The following OPRL1 variants were observed in gnomAD, a reference collection of about 807,000 sequenced individuals.
OPRL1 encodes nociceptin receptor.
A neutral mutation model predicts 15.5 loss-of-function variants in OPRL1; 5 were observed. That is an observed-to-expected ratio of 0.32 (90% CI 0.17 to 0.68). The LOEUF (loss-of-function observed/expected upper bound fraction) is 0.68. OPRL1 is among the 30% of genes least tolerant of loss of function. The pLI is 0.72. For missense variants in OPRL1, 406 were observed against 515.3 expected (o/e 0.79, Z 2.05); for synonymous variants, 223 against 230.2 (o/e 0.97, Z 0.28).
chr20:64,096,235 G>T (rs568813209), intron 3 of OPRL1, among the ~76,000 whole-genome samples: 1 of 152,240 alleles, frequency 6.6e-6, no homozygotes, highest in Admixed American at 6.5e-5. Context: ...AAGGTCCTCT[G>T]CTGGCCAGAG....
In OPRL1 at chr20:64,098,532, C is replaced by T. The variant is rs370852885; in HGVS notation, c.846C>T (p.Phe282=). Residue 282 remains phenylalanine (F), a synonymous_variant, in exon 5 of 5, where the codon TTC becomes TTT. Coordinates refer to ENST00000336866, the MANE Select transcript of OPRL1 (RefSeq NM_182647.4). ...FVGCWTPVQV[F]VLAQGLGVQP... ...GCTGCTGGACGCCTGTCCAGGTCTT[C>T]GTGCTGGCCCAAGGGCTGGGGGTTC... 29 of 1,612,704 alleles carry T rather than the reference C, an allele frequency of 1.8e-5. No homozygotes were observed. The highest frequency in any genetic ancestry group is 2.1e-5 in the Non-Finnish European group (25 of 1,180,012).
rs1487078385 is a variant in OPRL1 at position 64,089,267 on chromosome 20, G to T, written c.-184-2699G>T. On this transcript the variant is annotated intron_variant, in intron 1 of 4. Coordinates refer to ENST00000336866, the MANE Select transcript of OPRL1 (RefSeq NM_182647.4). This position sits in a 1 kb window ranked among gnomAD's most constrained non-coding sequence, Gnocchi z 5.5. ...GATTGTGAACACCTGGACTGGGGAG[G>T]CCACGGCCTTCTGCTGGACCCTGAA... Among the ~76,000 whole-genome samples, 1 of 152,118 alleles carries T rather than the reference G, an allele frequency of 6.6e-6. No individual in the cohort carries two copies. Among genetic ancestry groups the T allele is most frequent in the Non-Finnish European group, 1.5e-5 (1 of 68,016 alleles).
At chr20:64,082,301 C>T (rs1233344138) in intron 1 of OPRL1, among the ~76,000 whole-genome samples, 1 of 152,202 alleles carries the variant, frequency 6.6e-6, no homozygotes, top group Non-Finnish European at 1.5e-5. Context: ...CTCTCTGTCC[C>T]CTCCTTGTCA....
Position 64,098,910 on chromosome 20 carries a change from C to A in OPRL1, c.*111C>A. Reference sequence around the variant, plus strand: ...AGGCGGACACACCCTGGGCCCTGAGCATCCAGAGCCTGGGATGGGCTTTTC... The same window carrying A: ...AGGCGGACACACCCTGGGCCCTGAGAATCCAGAGCCTGGGATGGGCTTTTC... On this transcript the variant is annotated 3_prime_UTR_variant, in exon 5 of 5. Coordinates refer to ENST00000336866, the MANE Select transcript of OPRL1 (RefSeq NM_182647.4). The A allele has an allele frequency of 7.3e-7, 1 of 1,373,410 alleles. No individual in the cohort carries two copies. Among genetic ancestry groups the A allele is most frequent in the Non-Finnish European group, 9.6e-7 (1 of 1,038,178 alleles). 85.1% of individuals were successfully genotyped at this position (1,373,410 alleles called of 1,614,324 possible). A position where few individuals can be genotyped will look rare whatever the true frequency, so the allele number is the denominator to read the frequency against.
rs1978360282 is a variant in OPRL1, at chr20:64,092,840, C to T, written c.120C>T (p.Ala40=). Residue 40 remains alanine (A), a synonymous_variant, in exon 3 of 5, where the codon GCC becomes GCT. Coordinates refer to ENST00000336866, the MANE Select transcript of OPRL1 (RefSeq NM_182647.4). ...SLLPPHLLLN[A]SHGAFLPLGL... ...TGCCCCCGCATCTGCTGCTCAATGC[C>T]AGCCACGGCGCCTTCCTGCCCCTCG... The T allele has an allele frequency of 1.2e-6, 2 of 1,612,658 alleles. No homozygotes were observed. Among genetic ancestry groups the T allele is most frequent in the Non-Finnish European group, 8.5e-7 (1 of 1,179,956 alleles).
intron 1 of OPRL1, among the ~76,000 whole-genome samples, chr20:64,085,448 C>T (rs1405970951): frequency 6.6e-6 from 1 of 152,118 alleles, no homozygotes; most frequent in Non-Finnish European, 1.5e-5. Flanking sequence ...AACACTGTGT[C>T]TTGGGATCTT....
chr20:64,088,366 G>A (rs555534169), intron 1 of OPRL1, among the ~76,000 whole-genome samples: 8 of 152,172 alleles, frequency 5.3e-5, no homozygotes, highest in South Asian at 2.1e-4. Flanking sequence ...TCTGTGCAGC[G>A]TGCAGGATCT....
At chr20:64,088,699 C>CCATGATCTGTGCAGGGAGGG (rs2060083400) in intron 1 of OPRL1, among the ~76,000 whole-genome samples, 5 of 16,644 alleles carry the variant, frequency 3.0e-4, no homozygotes, top group Non-Finnish European at 4.3e-4. Context: ...TGCAGGGAGG[C>CCATGATCTGTGCAGGGAGGG]CAGGGTCTGT....
At chr20:64,091,909 C>G (rs1384411411) in intron 1 of OPRL1, 57 bp from the exon 2 acceptor site, 1 of 152,674 alleles carries the variant, frequency 6.5e-6, no homozygotes, top group African/African-American at 2.4e-5. Flanking sequence ...CCCACCTCCT[C>G]CAGCCTGCAT....
chr20:64,085,687 A>G (rs982326440), intron 1 of OPRL1, among the ~76,000 whole-genome samples: 1 of 152,024 alleles, frequency 6.6e-6, no homozygotes, highest in South Asian at 2.1e-4. Context: ...TACTCTCTCT[A>G]TATTCACAGA....
In OPRL1 at chr20:64,098,305, C is replaced by T; in HGVS notation, c.619C>T (p.Pro207Ser). 6.2e-7 allele frequency: 1 copy of T among 1,613,924 alleles called. No homozygotes were observed. Among genetic ancestry groups the T allele is most frequent in the South Asian group, 1.1e-5 (1 of 91,086 alleles). Residue 207 changes from proline (P) to serine (S), a missense_variant, in exon 5 of 5, where the codon CCT becomes TCT. Coordinates refer to ENST00000336866, the MANE Select transcript of OPRL1 (RefSeq NM_182647.4). ...EIECLVEIPTPQDYWGPVFAI... is the reference protein window; with the variant it reads ...EIECLVEIPTSQDYWGPVFAI... ...CGAGTGCCTGGTGGAGATCCCTACC[C>T]CTCAGGATTACTGGGGCCCGGTGTT...
rs1445675121 is a variant in OPRL1 at position 64,098,664 on chromosome 20, C to T, written c.978C>T (p.Phe326=). 9.3e-6 allele frequency: 15 copies of T among 1,612,820 alleles called. No individual in the cohort carries two copies. Among genetic ancestry groups the T allele is most frequent in the African/African-American group, 1.3e-5 (1 of 74,948 alleles). ...PILYAFLDEN[F]KACFRKFCCA... The stretch of plus-strand genomic sequence containing the variant: ...TCTACGCCTTCCTGGATGAGAACTT[C>T]AAGGCCTGCTTCCGCAAGTTCTGCT... The change falls in exon 5 of 5, where the codon TTC becomes TTT. Residue 326 remains phenylalanine (F), a synonymous_variant. Coordinates refer to ENST00000336866, the MANE Select transcript of OPRL1 (RefSeq NM_182647.4).
At position 64,097,533 on chromosome 20, in the gene OPRL1, T is replaced by G. The variant is rs1979323471; in HGVS notation, c.234-269T>G. Among the ~76,000 whole-genome samples the G allele has an allele frequency of 6.6e-6, 1 of 152,164 alleles. No homozygotes were observed. The highest frequency in any genetic ancestry group is 2.4e-5 in the African/African-American group (1 of 41,430). On this transcript the variant is annotated intron_variant, in intron 3 of 4. Coordinates refer to ENST00000336866, the MANE Select transcript of OPRL1 (RefSeq NM_182647.4). The surrounding 1 kb of genome is among the most constrained non-coding windows in gnomAD (Gnocchi z 4.2). ...CCCTGACTCCTCTAAAGTAGACCTG[T>G]GTTTAAGGCTTGGAATCCTTCTGTG...
rs376127227 is a variant in OPRL1, at chr20:64,089,016, C to G, written c.-184-2950C>G. 3.9e-5 allele frequency among the ~76,000 whole-genome samples: 5 copies of G among 127,930 alleles called. No individual in the cohort carries two copies. Among genetic ancestry groups the G allele is most frequent in the Admixed American group, 9.4e-5 (1 of 10,622 alleles). 83.9% of individuals were successfully genotyped at this position (127,930 alleles called of 152,430 possible). A position where few individuals can be genotyped will look rare whatever the true frequency, so the allele number is the denominator to read the frequency against. On this transcript the variant is annotated intron_variant, in intron 1 of 4. Coordinates refer to ENST00000336866, the MANE Select transcript of OPRL1 (RefSeq NM_182647.4). This position sits in a 1 kb window ranked among gnomAD's most constrained non-coding sequence, Gnocchi z 5.5. ...GGGACAGGTTGTGTGCAGGCAGGTGCGCAGGGTCAATGCAGGGGGCAAGGT... is the reference window on the plus strand; with the variant it reads ...GGGACAGGTTGTGTGCAGGCAGGTGGGCAGGGTCAATGCAGGGGGCAAGGT...
In OPRL1 at chr20:64,098,756, C is replaced by A. The variant is rs1009457687; in HGVS notation, c.1070C>A (p.Ala357Asp). Residue 357 changes from alanine to aspartate, a missense_variant, in exon 5 of 5, where the codon GCC becomes GAC. Physicochemically the swap from Ala to Asp is moderately radical, Grantham distance 126 (BLOSUM62 -2). Transcript: ENST00000336866. ...GTGCGCAGCATTGCCAAGGACGTGG[C>A]CCTGGCCTGCAAGACCTCTGAGACG... ...DRVRSIAKDVALACKTSETVP... is the reference protein window; with the variant it reads ...DRVRSIAKDVDLACKTSETVP... 15 of 1,607,386 alleles carry A rather than the reference C, an allele frequency of 9.3e-6. No homozygotes were observed. The highest frequency in any genetic ancestry group is 1.3e-5 in the African/African-American group (1 of 74,940).
chr20:64,095,462 T>C (rs1979014538), intron 3 of OPRL1, among the ~76,000 whole-genome samples: 1 of 150,448 alleles, frequency 6.6e-6, no homozygotes, highest in East Asian at 2.0e-4. Context: ...AAGATGGAGA[T>C]GACTTAAGCA....
In OPRL1 at chr20:64,083,377, T is replaced by G. The variant is rs1408244389; in HGVS notation, c.-185+3025T>G. The stretch of plus-strand genomic sequence containing the variant: ...TGGCAGCAAAAAGACCAGCGAGCCT[T>G]CGGAGAATTATAACTTTATGTGGGA... On this transcript the variant is annotated intron_variant, in intron 1 of 4. Transcript: ENST00000336866. This position sits in a 1 kb window ranked among gnomAD's most constrained non-coding sequence, Gnocchi z 4.9. 6.2e-7 allele frequency: 1 copy of G among 1,609,564 alleles called. No individual in the cohort carries two copies. Among genetic ancestry groups the G allele is most frequent in the Non-Finnish European group, 8.5e-7 (1 of 1,178,596 alleles).
chr20:64,092,970 G>A lies in OPRL1; in HGVS notation c.233+17G>A, dbSNP rs1390110629. The A allele has an allele frequency of 1.9e-6, 3 of 1,608,532 alleles. No homozygotes were observed. Among genetic ancestry groups the A allele is most frequent in the Non-Finnish European group, 2.5e-6 (3 of 1,176,558 alleles). The stretch of plus-strand genomic sequence containing the variant: ...CATCCTCAGGTAGGCTGGGCCCCAA[G>A]GTTCCTGTCTGGTGAGTCCCACACG... On this transcript the variant is annotated intron_variant, in intron 3 of 4. Coordinates refer to ENST00000336866, the MANE Select transcript of OPRL1 (RefSeq NM_182647.4).
At position 64,099,036 on chromosome 20, in the gene OPRL1, CT is replaced by C. The variant is rs1174761041; in HGVS notation, c.*238del. On this transcript the variant is annotated 3_prime_UTR_variant, in exon 5 of 5. Coordinates refer to ENST00000336866, the MANE Select transcript of OPRL1 (RefSeq NM_182647.4). ...CTCCATGGCCCCAGACAGACTAAAGCTGCCCTCCTGGTGCAGGGCCGAGGGG... is the reference window on the plus strand; with the variant it reads ...CTCCATGGCCCCAGACAGACTAAAGCGCCCTCCTGGTGCAGGGCCGAGGGG... 3 of 565,286 alleles carry C rather than the reference CT, an allele frequency of 5.3e-6. No homozygotes were observed. The highest frequency in any genetic ancestry group is 9.0e-6 in the Non-Finnish European group (3 of 332,362). 35.0% of individuals were successfully genotyped at this position (565,286 alleles called of 1,614,324 possible).
Sources: allele counts gnomAD v4.1 joint callset (sites outside exome capture counted in the v4.1 genomes callset), GRCh38; gene constraint gnomAD v4.1.1; non-coding constraint Gnocchi (gnomAD v3.1); transcripts MANE v1.5; gene names NCBI Gene and HGNC (gene_info 2026-07-23, HGNC 2026-07-21).